EYS: variants seen among roughly 807,000 people sequenced by gnomAD.
EYS encodes the protein protein eyes shut homolog.
A neutral mutation model predicts 282.1 loss-of-function variants in EYS; 250 were observed. The observed-to-expected ratio is 0.89, with a 90% CI of 0.80 to 0.98. The LOEUF is 0.98. EYS is among the 50% of genes least tolerant of loss of function. The pLI is 0.00. For missense variants in EYS, 4,016 were observed against 3,709.0 expected (o/e 1.08, Z -2.15); for synonymous variants, 1,355 against 1,282.9 (o/e 1.06, Z -1.20).
intron 35 of EYS, among the ~76,000 whole-genome samples, chr6:63,894,750 T>A (rs940175607): frequency 4.6e-5 from 7 of 151,968 alleles, no homozygotes; most frequent in African/African-American, 1.7e-4. Context: ...CCCAGCTGAT[T>A]TTTTTTATTA....
chr6:64,433,076 T>C (rs1370494277), intron 28 of EYS, among the ~76,000 whole-genome samples: 2 of 152,054 alleles, frequency 1.3e-5, no homozygotes, highest in Non-Finnish European at 2.9e-5. Flanking sequence ...AGCTTGTCTT[T>C]CCTTGTTCTC....
At chr6:64,863,964 T>C (rs1404604829) in intron 19 of EYS, among the ~76,000 whole-genome samples, 4 of 152,224 alleles carry the variant, frequency 2.6e-5, no homozygotes, top group Non-Finnish European at 5.9e-5. Context: ...TGGATTCTAA[T>C]TCCCTATGCT....
At chr6:65,157,567 A>G (rs1764756729) in intron 12 of EYS, among the ~76,000 whole-genome samples, 1 of 150,696 alleles carries the variant, frequency 6.6e-6, no homozygotes, top group South Asian at 2.1e-4. Context: ...AGCTATTACA[A>G]TTAATAGCAT....
At chr6:64,029,343 G>T (rs184988171) in intron 33 of EYS, among the ~76,000 whole-genome samples, 343 of 152,322 alleles carry the variant, frequency 2.3e-3, no homozygotes, top group African/African-American at 7.8e-3. Flanking sequence ...GGTAGTTGCA[G>T]CAGTGGCCAT....
intron 1 of EYS, among the ~76,000 whole-genome samples, chr6:65,657,381 T>C (rs1354282325): frequency 6.6e-6 from 1 of 151,842 alleles, no homozygotes; most frequent in Non-Finnish European, 1.5e-5. Flanking sequence ...CTAAATTCCA[T>C]TAAGAACATT....
chr6:64,118,705 A>T (rs1773471729), intron 31 of EYS, among the ~76,000 whole-genome samples: 1 of 152,146 alleles, frequency 6.6e-6, no homozygotes, highest in Non-Finnish European at 1.5e-5. Context: ...CAAACTAAAA[A>T]GTGCCTGTGT....
chr6:65,666,139 G>T (rs1768192754), intron 1 of EYS, among the ~76,000 whole-genome samples: 1 of 151,156 alleles, frequency 6.6e-6, no homozygotes, highest in Non-Finnish European at 1.5e-5. Context: ...TTGGTGTCAT[G>T]TTCATTTCCC....
chr6:65,623,620 C>T (rs528679865), intron 2 of EYS, among the ~76,000 whole-genome samples: 11 of 151,928 alleles, frequency 7.2e-5, no homozygotes, highest in Middle Eastern at 3.4e-3. Flanking sequence ...AAAATTGAAG[C>T]GATAAAAGGT....
intron 12 of EYS, among the ~76,000 whole-genome samples, chr6:65,127,368 C>T (rs1012194140): frequency 1.3e-5 from 2 of 152,008 alleles, no homozygotes; most frequent in East Asian, 1.9e-4. Flanking sequence ...CTTTAATCAA[C>T]GTAACATTTT....
In EYS at chr6:64,972,805, C is replaced by T. The variant is rs545071032; in HGVS notation, c.2259+24777G>A. ...TTCAGGGGTTGGTGCCCCCAACACC[C>T]ACATTGTTCAAATGCAATTTAACAT... On this transcript the variant is annotated intron_variant, in intron 14 of 42. Transcript: ENST00000503581. Among the ~76,000 whole-genome samples the T allele has an allele frequency of 5.7e-4, 87 of 152,118 alleles. 1 individual carries two copies. The highest frequency in any genetic ancestry group is 2.1e-3 in the African/African-American group (87 of 41,542).
chr6:65,020,280 C>G (rs948770116), intron 13 of EYS, among the ~76,000 whole-genome samples: 1 of 152,152 alleles, frequency 6.6e-6, no homozygotes, highest in Admixed American at 6.5e-5. Context: ...CCTGTAAAAT[C>G]AAAAGCAAGT....
chr6:64,907,211 G>A lies in EYS; in HGVS notation c.2642-4711C>T, dbSNP rs114287890. 9.2e-3 allele frequency among the ~76,000 whole-genome samples: 1,401 copies of A among 152,064 alleles called. 36 individuals carry two copies. The highest frequency in any genetic ancestry group is 0.032 in the African/African-American group (1,330 of 41,464). The stretch of plus-strand genomic sequence containing the variant: ...TAGGACTGCAGGCATGAACCACCAC[G>A]CACTGCTAATTTTTTTTAAATTTTT... On this transcript the variant is annotated intron_variant, in intron 16 of 42. Transcript: ENST00000503581.
chr6:64,947,897 A>T (rs1292751459), intron 14 of EYS, among the ~76,000 whole-genome samples: 3 of 151,808 alleles, frequency 2.0e-5, no homozygotes, highest in Non-Finnish European at 4.4e-5. Context: ...GGTATAAATT[A>T]TTTATGTAAA....
intron 33 of EYS, among the ~76,000 whole-genome samples, chr6:64,023,878 G>C (rs903769949): frequency 6.6e-5 from 10 of 152,208 alleles, no homozygotes; most frequent in Non-Finnish European, 1.5e-5. Flanking sequence ...CGTAGTGGCC[G>C]GCCGGCCCCG....
At chr6:64,327,651 C>T (rs542028069) in intron 29 of EYS, among the ~76,000 whole-genome samples, 1 of 152,112 alleles carries the variant, frequency 6.6e-6, no homozygotes, top group African/African-American at 2.4e-5. Flanking sequence ...TTGAGACCTA[C>T]TGTAAGACTC....
chr6:65,404,707 G>A (rs887426561), intron 6 of EYS, among the ~76,000 whole-genome samples: 1 of 151,408 alleles, frequency 6.6e-6, no homozygotes, highest in Non-Finnish European at 1.5e-5. Context: ...AATTCTCCAG[G>A]GGAAAAAAAA....
intron 12 of EYS, among the ~76,000 whole-genome samples, chr6:65,227,154 CAACCAAAAAAAA>C (rs769201818): frequency 1.3e-4 from 17 of 130,058 alleles, no homozygotes; most frequent in Admixed American, 3.1e-4. Flanking sequence ...ACAACAACAA[CAACCAAAAAAAA>C]AAAAAAACAA....
intron 13 of EYS, among the ~76,000 whole-genome samples, chr6:65,026,341 G>A (rs995385403): frequency 6.6e-6 from 1 of 152,134 alleles, no homozygotes; most frequent in Admixed American, 6.5e-5. Flanking sequence ...TTAACAATTA[G>A]AGTTGTTAAT....
At chr6:63,740,297 T>G (rs1480427894) in intron 41 of EYS, among the ~76,000 whole-genome samples, 1 of 152,118 alleles carries the variant, frequency 6.6e-6, no homozygotes, top group East Asian at 1.9e-4. Flanking sequence ...TCTGATGGTT[T>G]TAAAATGGGA....
Sources: allele counts gnomAD v4.1 joint callset (sites outside exome capture counted in the v4.1 genomes callset), GRCh38; gene constraint gnomAD v4.1.1; transcripts MANE v1.5; gene names NCBI Gene and HGNC (gene_info 2026-07-23, HGNC 2026-07-21).